Variants in TMEM71 observed in about 807,000 individuals in gnomAD.
TMEM71 encodes transmembrane protein 71.
In TMEM71, 44 loss-of-function variants were observed where a neutral mutation model predicts 38.0. The ratio of observed to expected loss-of-function variants is 1.16; its 90% CI spans 0.91 to 1.49. The LOEUF (loss-of-function observed/expected upper bound fraction) is 1.49. TMEM71 is among the 40% of genes most tolerant of loss of function. TMEM71 has a pLI of 0.00. For missense variants in TMEM71, 367 were observed against 348.6 expected (o/e 1.05, Z -0.42); for synonymous variants, 133 against 122.5 (o/e 1.09, Z -0.56).
chr8:132,768,547 A>AT, the TMEM71 span, among the ~76,000 whole-genome samples: 1 of 152,154 alleles, frequency 6.6e-6, no homozygotes. Flanking sequence ...CAATTGTAGC[A>AT]TTTTTTGAAG....
At chr8:132,716,907 T>A (rs931708068) in intron 7 of TMEM71, among the ~76,000 whole-genome samples, 1 of 152,228 alleles carries the variant, frequency 6.6e-6, no homozygotes, top group African/African-American at 2.4e-5. Flanking sequence ...TTATGACATT[T>A]GGGTTGTTTC....
At chr8:132,767,754 T>G in the TMEM71 span, among the ~76,000 whole-genome samples, 3 of 152,144 alleles carry the variant, frequency 2.0e-5, no homozygotes, top group Admixed American at 2.0e-4. Flanking sequence ...GGATTACAGG[T>G]GTGAGCCACC....
At chr8:132,731,305 G>A (rs916844212) in intron 5 of TMEM71, among the ~76,000 whole-genome samples, 8 of 152,162 alleles carry the variant, frequency 5.3e-5, no homozygotes, top group African/African-American at 1.9e-4. Flanking sequence ...GGAGTAGGGG[G>A]TGGTAGAAGG....
chr8:132,730,966 A>G (rs1046461533), intron 5 of TMEM71, among the ~76,000 whole-genome samples: 1 of 152,192 alleles, frequency 6.6e-6, no homozygotes, highest in Admixed American at 6.5e-5. Context: ...ACTTATGGAC[A>G]GGGGAAACAG....
chr8:132,743,753 C>T (rs1325347025), intron 5 of TMEM71, among the ~76,000 whole-genome samples: 3 of 152,132 alleles, frequency 2.0e-5, no homozygotes, highest in African/African-American at 7.2e-5. Flanking sequence ...AATACCAACA[C>T]CATCTTGACA....
At chr8:132,740,160 T>C (rs1827960575) in intron 5 of TMEM71, among the ~76,000 whole-genome samples, 1 of 152,162 alleles carries the variant, frequency 6.6e-6, no homozygotes, top group Admixed American at 6.5e-5. Context: ...CCCACTTGCA[T>C]TCCTGACACA....
At chr8:132,750,672 TAC>T (rs1280082723) in intron 4 of TMEM71, among the ~76,000 whole-genome samples, 1 of 152,218 alleles carries the variant, frequency 6.6e-6, no homozygotes, top group Non-Finnish European at 1.5e-5. Flanking sequence ...AGCTGACTGA[TAC>T]AGTCAGCATA....
chr8:132,751,925 G>T lies in TMEM71; in HGVS notation c.174C>A (p.His58Gln), dbSNP rs368405244. 1 of 1,614,014 alleles carries T rather than the reference G, an allele frequency of 6.2e-7. No homozygotes were observed. The highest frequency in any genetic ancestry group is 8.5e-7 in the Non-Finnish European group (1 of 1,180,030). Reference protein sequence around the residue: ...CGSIDPLTGSHYTCRRSPRLL... With the variant: ...CGSIDPLTGSQYTCRRSPRLL... ...GTCTGGGACTTCGGCGACAGGTATA[G>T]TGGGAGCCTGTCAGGGGATCTATGG... Residue 58 changes from histidine (H) to glutamine (Q), a missense_variant, in exon 4 of 10, where the codon CAC becomes CAA. By Grantham distance (24) the His-to-Gln change is conservative. Coordinates refer to ENST00000677595, the MANE Select transcript of TMEM71 (RefSeq NM_001382403.1).
downstream of TMEM71, among the ~76,000 whole-genome samples, chr8:132,709,354 G>C (rs1481500654): frequency 3.9e-5 from 6 of 152,178 alleles, no homozygotes; most frequent in Admixed American, 3.9e-4. Context: ...ACATATCCCA[G>C]ACCTACTAAA....
chr8:132,712,026 C>A (rs764158827), intron 9 of TMEM71, among the ~76,000 whole-genome samples: 1 of 151,990 alleles, frequency 6.6e-6, no homozygotes, highest in Non-Finnish European at 1.5e-5. Flanking sequence ...TTAATATACA[C>A]GCAGAGCTCT....
intron 7 of TMEM71, among the ~76,000 whole-genome samples, chr8:132,720,623 G>T (rs569872921): frequency 6.6e-6 from 1 of 152,150 alleles, no homozygotes; most frequent in South Asian, 2.1e-4. Context: ...AATTATCTGG[G>T]AAGCTTATTT....
chr8:132,735,104 C>T (rs113401529), intron 5 of TMEM71, among the ~76,000 whole-genome samples: 3,709 of 152,282 alleles, frequency 0.024, 61 homozygotes, highest in Middle Eastern at 0.041. Context: ...CTGTTCAGTC[C>T]TCCCTGCGTG....
At chr8:132,714,133 A>T (rs1362034475) in intron 8 of TMEM71, 21 bp downstream of exon 8, 6 of 1,611,352 alleles carry the variant, frequency 3.7e-6, no homozygotes, top group Non-Finnish European at 4.2e-6. Context: ...CATTGCAGTA[A>T]TCTGGGAAAC....
chr8:132,739,199 G>C (rs1325059347), intron 5 of TMEM71, among the ~76,000 whole-genome samples: 1 of 152,196 alleles, frequency 6.6e-6, no homozygotes, highest in African/African-American at 2.4e-5. Context: ...GCACTATGAG[G>C]GACATGATGG....
At chr8:132,709,805 T>A (rs1395972391), downstream of TMEM71, 1 of 152,128 alleles carries the variant, frequency 6.6e-6, no homozygotes, top group East Asian at 1.9e-4. Context: ...TAACTTTGTG[T>A]TGCCGTAAGC....
At chr8:132,771,035 G>A in the TMEM71 span, among the ~76,000 whole-genome samples, 7 of 152,208 alleles carry the variant, frequency 4.6e-5, no homozygotes, top group African/African-American at 1.4e-4. Flanking sequence ...AAAATCAGGA[G>A]AGGTGCAAAG....
intron 3 of TMEM71, among the ~76,000 whole-genome samples, chr8:132,755,083 G>A (rs183390358): frequency 1.3e-5 from 2 of 152,170 alleles, no homozygotes; most frequent in Non-Finnish European, 2.9e-5. Flanking sequence ...AGAATTAATG[G>A]GGCAACTATA....
chr8:132,718,744 A>G (rs1826678053), intron 7 of TMEM71, among the ~76,000 whole-genome samples: 1 of 152,212 alleles, frequency 6.6e-6, no homozygotes, highest in Non-Finnish European at 1.5e-5. Flanking sequence ...TTTCACAGCA[A>G]TGATGGAGCA....
intron 6 of TMEM71, 78 bp downstream of exon 6, chr8:132,727,720 G>A (rs577973938): frequency 3.8e-6 from 5 of 1,331,624 alleles, no homozygotes; most frequent in Non-Finnish European, 4.1e-6. Context: ...CTGCATTTTA[G>A]TCATCTCCAA....
Sources: gnomAD v4.1 joint callset for allele counts (sites outside exome capture counted in the v4.1 genomes callset) on GRCh38, gnomAD v4.1.1 for gene constraint, MANE v1.5 for transcripts, NCBI Gene and HGNC (gene_info 2026-07-23, HGNC 2026-07-21) for gene names.